Variants in RBFOX1 observed in about 807,000 individuals in gnomAD.
The protein encoded by RBFOX1 is RNA binding protein fox-1 homolog 1.
Under a neutral mutation model 57.7 loss-of-function variants are expected in RBFOX1, and 8 were observed. The observed-to-expected ratio is 0.14, with a 90% CI of 0.08 to 0.25. The LOEUF (loss-of-function observed/expected upper bound fraction) is 0.25, where lower values mean the gene tolerates loss of function less well. Among genes scored for constraint, RBFOX1 ranks in the 10% least tolerant of loss-of-function variants. RBFOX1 has a pLI of 1.00. For missense variants in RBFOX1, 611 were observed against 548.5 expected (o/e 1.11, Z -1.14); for synonymous variants, 326 against 222.4 (o/e 1.47, Z -4.15).
At chr16:6,223,981 T>G (rs1456819634) in intron 1 of RBFOX1, among the ~76,000 whole-genome samples, 2 of 152,188 alleles carry the variant, frequency 1.3e-5, no homozygotes, top group Admixed American at 6.5e-5. Context: ...TTGCTTGTTT[T>G]TGTCAGGTTT....
At chr16:7,658,124 A>G (rs927423635) in intron 12 of RBFOX1, among the ~76,000 whole-genome samples, 2 of 152,184 alleles carry the variant, frequency 1.3e-5, no homozygotes, top group Non-Finnish European at 2.9e-5. Context: ...ACATGCATTC[A>G]GTGAACTGTA....
At chr16:7,589,923 G>C (rs2152913526) in intron 7 of RBFOX1, among the ~76,000 whole-genome samples, 1 of 138,544 alleles carries the variant, frequency 7.2e-6, no homozygotes, top group East Asian at 2.0e-4. Context: ...GTGTGTGTGT[G>C]TGTGTGTGTG....
intron 4 of RBFOX1, among the ~76,000 whole-genome samples, chr16:5,891,272 G>T (rs978620578): frequency 2.0e-5 from 3 of 152,144 alleles, no homozygotes; most frequent in African/African-American, 4.8e-5. Context: ...GGCACGGGAG[G>T]AGCTGTCGGA....
chr16:7,367,453 T>C (rs28481960), intron 4 of RBFOX1, among the ~76,000 whole-genome samples: 2,874 of 152,318 alleles, frequency 0.019, 84 homozygotes, highest in African/African-American at 0.061. Context: ...ATTTGCACTC[T>C]GTTGTTTGCT....
At chr16:7,332,921 A>C (rs765964783) in intron 4 of RBFOX1, 45 of 1,599,608 alleles carry the variant, frequency 2.8e-5, no homozygotes, top group Non-Finnish European at 3.7e-5. Flanking sequence ...TGTAGTTCGG[A>C]AGAAGTTGGG....
intron 4 of RBFOX1, among the ~76,000 whole-genome samples, chr16:5,981,173 A>G (rs963811973): frequency 3.9e-5 from 6 of 152,232 alleles, no homozygotes; most frequent in Admixed American, 3.3e-4. Context: ...TTAGGGAAAC[A>G]TATGATTAAA....
chr16:6,788,214 C>T (rs1366415995), intron 3 of RBFOX1, among the ~76,000 whole-genome samples: 3 of 151,966 alleles, frequency 2.0e-5, no homozygotes, highest in East Asian at 3.9e-4. Flanking sequence ...AAGTGAAACT[C>T]CATCTAAAAT....
At chr16:6,726,862 T>A (rs2067305791) in intron 3 of RBFOX1, among the ~76,000 whole-genome samples, 1 of 151,898 alleles carries the variant, frequency 6.6e-6, no homozygotes, top group South Asian at 2.1e-4. Flanking sequence ...GATTTGGGGG[T>A]GGCTTGGGAA....
At chr16:7,188,101 G>A (rs1308293858) in intron 4 of RBFOX1, among the ~76,000 whole-genome samples, 3 of 152,080 alleles carry the variant, frequency 2.0e-5, no homozygotes, top group Non-Finnish European at 4.4e-5. Flanking sequence ...GGAATATTTG[G>A]TAATTGTGTT....
intron 4 of RBFOX1, among the ~76,000 whole-genome samples, chr16:7,477,427 A>T (rs963368142): frequency 2.6e-5 from 4 of 152,142 alleles, no homozygotes; most frequent in African/African-American, 9.7e-5. Context: ...GTGGTTGTGC[A>T]TCTGGTTTTA....
intron 1 of RBFOX1, among the ~76,000 whole-genome samples, chr16:5,432,225 G>C (rs989193569): frequency 1.3e-5 from 2 of 152,140 alleles, no homozygotes; most frequent in Admixed American, 1.3e-4. Context: ...CTGAAAGCAT[G>C]GGACAGAATC....
intron 3 of RBFOX1, among the ~76,000 whole-genome samples, chr16:5,854,206 A>C (rs1269449629): frequency 6.6e-6 from 1 of 152,204 alleles, no homozygotes; most frequent in South Asian, 2.1e-4. Flanking sequence ...CGTAAGATCA[A>C]CTTCTTCAGA....
At chr16:6,581,159 A>T in intron 2 of RBFOX1, among the ~76,000 whole-genome samples, 1 of 152,232 alleles carries the variant, frequency 6.6e-6, no homozygotes, top group Admixed American at 6.5e-5. Flanking sequence ...GAGTCTAATG[A>T]GTTCCTGCGC....
At chr16:7,548,719 C>T (rs930981703) in intron 5 of RBFOX1, among the ~76,000 whole-genome samples, 1 of 152,196 alleles carries the variant, frequency 6.6e-6, no homozygotes, top group African/African-American at 2.4e-5. Context: ...CGCCTGGGAG[C>T]AAAGACAGCT....
At position 6,732,967 on chromosome 16, in the gene RBFOX1, T is replaced by G. The variant is rs72764966; in HGVS notation, c.-16+78317T>G. Among the ~76,000 whole-genome samples the G allele has an allele frequency of 2.2e-3, 338 of 152,354 alleles. 2 individuals are homozygous for G. Among genetic ancestry groups the G allele is most frequent in the Non-Finnish European group, 3.1e-3 (212 of 68,034 alleles). On this transcript the variant is annotated intron_variant, in intron 3 of 15. Coordinates refer to ENST00000550418, the MANE Select transcript of RBFOX1 (RefSeq NM_018723.4). ...AAAGTAAGAGCTACTTTTACACATT[T>G]ATTTGCAGAAGGAATTATAATTTCT...
chr16:7,147,625 C>G (rs573493281), intron 4 of RBFOX1, among the ~76,000 whole-genome samples: 3 of 152,178 alleles, frequency 2.0e-5, no homozygotes, highest in African/African-American at 7.2e-5. Context: ...CAGCTGCATT[C>G]ACGTTGCTGC....
intron 1 of RBFOX1, chr16:5,260,710 G>A (rs779789987): frequency 6.6e-6 from 1 of 152,198 alleles, no homozygotes; most frequent in Non-Finnish European, 1.5e-5. Flanking sequence ...ACCGACATTG[G>A]CCTTTGCAGT....
In RBFOX1 at chr16:5,307,526, C is replaced by A. The variant is rs143690604; in HGVS notation, c.219+67421C>A. Among the ~76,000 whole-genome samples, 386 of 152,236 alleles carry A rather than the reference C, an allele frequency of 2.5e-3. 2 individuals are homozygous for A. The highest frequency in any genetic ancestry group is 8.3e-3 in the African/African-American group (344 of 41,542). On this transcript the variant is annotated intron_variant, in intron 1 of 2. Transcript: ENST00000585867. ...TGCCACTATTTTCTGAGGGTGCCAC[C>A]CTCACCCCTGTTCATAGTGTGAGGT...
chr16:6,794,237 C>G (rs139246674), intron 3 of RBFOX1, among the ~76,000 whole-genome samples: 3 of 149,702 alleles, frequency 2.0e-5, no homozygotes, highest in Non-Finnish European at 3.0e-5. Context: ...CCTCTCAGAG[C>G]TCTTCACTTT....
Sources: gnomAD v4.1 joint callset for allele counts (sites outside exome capture counted in the v4.1 genomes callset) on GRCh38, gnomAD v4.1.1 for gene constraint, MANE v1.5 for transcripts, NCBI Gene and HGNC (gene_info 2026-07-23, HGNC 2026-07-21) for gene names.